The following MLLT1 variants were observed in gnomAD, a reference collection of about 807,000 sequenced individuals.
MLLT1 encodes the protein MLLT1 super elongation complex subunit.
Under a neutral mutation model 55.1 loss-of-function variants are expected in MLLT1, and 11 were observed. That is an observed-to-expected ratio of 0.20 (90% CI 0.13 to 0.33). MLLT1 has a LOEUF of 0.33. Among genes scored for constraint, MLLT1 ranks in the 10% least tolerant of loss-of-function variants. The pLI is 1.00. For synonymous variants in MLLT1, 323 were observed against 320.1 expected (o/e 1.01, Z -0.10); for missense variants, 536 against 760.6 (o/e 0.70, Z 3.47).
In MLLT1 at chr19:6,235,005, C is replaced by CT. The variant is rs1210625563; in HGVS notation, c.277-4293dup. Among the ~76,000 whole-genome samples, 1 of 152,144 alleles carries CT rather than the reference C, an allele frequency of 6.6e-6. No individual in the cohort carries two copies. Among genetic ancestry groups the CT allele is most frequent in the Non-Finnish European group, 1.5e-5 (1 of 68,034 alleles). On this transcript the variant is annotated intron_variant, in intron 3 of 11. Coordinates refer to ENST00000252674, the MANE Select transcript of MLLT1 (RefSeq NM_005934.4). The surrounding 1 kb of genome is among the most constrained non-coding windows in gnomAD (Gnocchi z 5.5). The stretch of plus-strand genomic sequence containing the variant: ...AGTAACATGGTAACATAAGAGATGA[C>CT]TAATTCATGGGTATGGTCCTGGTAG...
At position 6,256,058 on chromosome 19, in the gene MLLT1, A is replaced by G. The variant is rs2091254570; in HGVS notation, c.276+6170T>C. On this transcript the variant is annotated intron_variant, in intron 3 of 11. Transcript: ENST00000252674. This position sits in a 1 kb window ranked among gnomAD's most constrained non-coding sequence, Gnocchi z 4.1. ...TGGTGAAACCCCATCTCTACTAAAA[A>G]TGCAAAAAATTAGCCAGACACGGTG... Among the ~76,000 whole-genome samples the G allele has an allele frequency of 6.6e-6, 1 of 152,042 alleles. No individual in the cohort carries two copies. The highest frequency in any genetic ancestry group is 2.1e-4 in the South Asian group (1 of 4,822).
At chr19:6,245,113 G>C (rs2091154691) in intron 3 of MLLT1, among the ~76,000 whole-genome samples, 1 of 152,156 alleles carries the variant, frequency 6.6e-6, no homozygotes, top group Non-Finnish European at 1.5e-5. Flanking sequence ...GGCTGAGGCA[G>C]GAGGATCACT....
chr19:6,269,275 G>C (rs1043157499), intron 2 of MLLT1, among the ~76,000 whole-genome samples: 1 of 152,238 alleles, frequency 6.6e-6, no homozygotes, highest in Non-Finnish European at 1.5e-5. Flanking sequence ...CCCTGGACCC[G>C]TCTCCCCGTC....
chr19:6,278,331 G>A (rs988632032), intron 1 of MLLT1, among the ~76,000 whole-genome samples: 1 of 152,184 alleles, frequency 6.6e-6, no homozygotes. Flanking sequence ...AAGAGGCAGC[G>A]CAGAGTTGGG....
chr19:6,223,556 T>G (rs1388013402), intron 5 of MLLT1, among the ~76,000 whole-genome samples: 3 of 152,180 alleles, frequency 2.0e-5, no homozygotes, highest in Non-Finnish European at 4.4e-5. Flanking sequence ...CATCTGTGCC[T>G]GCTTCCTCGA....
At chr19:6,269,014 G>C (rs2091371867) in intron 2 of MLLT1, among the ~76,000 whole-genome samples, 1 of 152,212 alleles carries the variant, frequency 6.6e-6, no homozygotes, top group Admixed American at 6.5e-5. Context: ...TCCAGGGACA[G>C]AGAAAAGGGG....
Position 6,212,944 on chromosome 19 carries a change from C to T in MLLT1, c.*98G>A. 1.4e-6 allele frequency: 2 copies of T among 1,466,144 alleles called. No individual in the cohort carries two copies. The highest frequency in any genetic ancestry group is 1.9e-6 in the Non-Finnish European group (2 of 1,076,352). 90.8% of individuals were successfully genotyped at this position (1,466,144 alleles called of 1,614,324 possible). A position where few individuals can be genotyped will look rare whatever the true frequency, so the allele number is the denominator to read the frequency against. ...GGCGAGGACAGGGCTGTCGCTAAGG[C>T]AGTGCTGCGGGCAGGCGAGACGGGA... On this transcript the variant is annotated 3_prime_UTR_variant, in exon 12 of 12. Transcript: ENST00000252674.
intron 1 of MLLT1, among the ~76,000 whole-genome samples, chr19:6,274,924 G>T (rs1445425652): frequency 6.6e-6 from 1 of 152,218 alleles, no homozygotes; most frequent in Non-Finnish European, 1.5e-5. Context: ...GGAACCAAAG[G>T]GCCAAAATCC....
chr19:6,217,858 C>A, intron 7 of MLLT1, 96 bp downstream of exon 7: 1 of 1,490,430 alleles, frequency 6.7e-7, no homozygotes, highest in South Asian at 1.4e-5. Flanking sequence ...AGGGCCCAGC[C>A]TGTGCAGGCA....
At chr19:6,260,926 C>T (rs183811228) in intron 3 of MLLT1, among the ~76,000 whole-genome samples, 33 of 152,344 alleles carry the variant, frequency 2.2e-4, no homozygotes, top group South Asian at 2.1e-4. Flanking sequence ...ACCCCAGAGG[C>T]GAGTTTAAAC....
rs548294854 is a variant in MLLT1 at position 6,229,289 on chromosome 19, C to T, written c.420+1281G>A. Among the ~76,000 whole-genome samples, 3 of 152,286 alleles carry T rather than the reference C, an allele frequency of 2.0e-5. No individual in the cohort carries two copies. Among genetic ancestry groups the T allele is most frequent in the Admixed American group, 2.0e-4 (3 of 15,302 alleles). On this transcript the variant is annotated intron_variant, in intron 4 of 11. Transcript: ENST00000252674. The surrounding 1 kb of genome is among the most constrained non-coding windows in gnomAD (Gnocchi z 5.2). ...CACATAGGCCCACGCCGGCACTGCC[C>T]TCCCCGGATCAGAACCACAAGCAGG...
Position 6,219,918 on chromosome 19 carries a change from G to T in MLLT1, c.1111-1877C>A, listed in dbSNP as rs1018928957. ...CAAATCCAAGGGGCAGGGAGGAAAA[G>T]AATCCGGAAATGGTCTCAGCCAGAA... On this transcript the variant is annotated intron_variant, in intron 6 of 11. Transcript: ENST00000252674. This position sits in a 1 kb window ranked among gnomAD's most constrained non-coding sequence, Gnocchi z 4.5. Among the ~76,000 whole-genome samples, 7 of 152,198 alleles carry T rather than the reference G, an allele frequency of 4.6e-5. No homozygotes were observed. Among genetic ancestry groups the T allele is most frequent in the Non-Finnish European group, 8.8e-5 (6 of 68,040 alleles).
At chr19:6,259,543 CCGCTGT>C (rs1342986475) in intron 3 of MLLT1, 1 of 152,254 alleles carries the variant, frequency 6.6e-6, no homozygotes, top group Non-Finnish European at 1.5e-5. Flanking sequence ...CACACCACTG[CCGCTGT>C]GAGGAGGACC....
rs959228701 is a variant in MLLT1 at position 6,229,639 on chromosome 19, A to G, written c.420+931T>C. Among the ~76,000 whole-genome samples the G allele has an allele frequency of 7.9e-5, 12 of 151,506 alleles. No individual in the cohort carries two copies. The highest frequency in any genetic ancestry group is 1.5e-4 in the African/African-American group (6 of 41,160). On this transcript the variant is annotated intron_variant, in intron 4 of 11. Coordinates refer to ENST00000252674, the MANE Select transcript of MLLT1 (RefSeq NM_005934.4). The surrounding 1 kb of genome is among the most constrained non-coding windows in gnomAD (Gnocchi z 5.2). ...CACACACGCCATGCACACACCATAC[A>G]TGACACAGCAGACAGCGTATGTACA...
intron 9 of MLLT1, 41 bp downstream of exon 9, chr19:6,213,898 C>G: frequency 6.7e-7 from 1 of 1,496,572 alleles, no homozygotes; most frequent in Non-Finnish European, 9.0e-7. Flanking sequence ...GGGCTAAGCC[C>G]GGCCTCTGGT....
intron 3 of MLLT1, among the ~76,000 whole-genome samples, chr19:6,253,460 T>A (rs1372117980): frequency 1.3e-5 from 2 of 151,974 alleles, no homozygotes; most frequent in African/African-American, 4.8e-5. Context: ...GAGGAGGGAA[T>A]ACCTCCTAAC....
intron 3 of MLLT1, among the ~76,000 whole-genome samples, chr19:6,238,782 C>A (rs2091086546): frequency 6.6e-6 from 1 of 151,992 alleles, no homozygotes; most frequent in East Asian, 1.9e-4. Flanking sequence ...CCTTCTCCGG[C>A]CAGCAGCAAA....
chr19:6,235,462 T>C lies in MLLT1; in HGVS notation c.277-4749A>G, dbSNP rs1394760499. Among the ~76,000 whole-genome samples the C allele has an allele frequency of 1.3e-5, 2 of 152,172 alleles. No homozygotes were observed. The highest frequency in any genetic ancestry group is 3.8e-4 in the East Asian group (2 of 5,200). On this transcript the variant is annotated intron_variant, in intron 3 of 11. Transcript: ENST00000252674. The surrounding 1 kb of genome is among the most constrained non-coding windows in gnomAD (Gnocchi z 5.5). ...CCGTGAGTGCCCCCACAAAGCAGCC[T>C]GGGCTAAGAAGGGCACCTGGGGAGG...
At chr19:6,246,091 A>C in intron 3 of MLLT1, among the ~76,000 whole-genome samples, 1 of 151,536 alleles carries the variant, frequency 6.6e-6, no homozygotes, top group Non-Finnish European at 1.5e-5. Flanking sequence ...AAAGAAAATA[A>C]AAAGAAAACA....
Sources: gnomAD v4.1 joint callset for allele counts (sites outside exome capture counted in the v4.1 genomes callset) on GRCh38, gnomAD v4.1.1 for gene constraint, Gnocchi (gnomAD v3.1) non-coding constraint, MANE v1.5 for transcripts, NCBI Gene and HGNC (gene_info 2026-07-23, HGNC 2026-07-21) for gene names.